Variants in NEK6 observed in about 807,000 individuals in gnomAD.
NEK6 encodes the protein serine/threonine-protein kinase Nek6.
Under a neutral mutation model 43.5 loss-of-function variants are expected in NEK6, and 27 were observed. The observed-to-expected ratio is 0.62, with a 90% CI of 0.46 to 0.86. NEK6 has a LOEUF of 0.86. NEK6 is among the 40% of genes least tolerant of loss of function. The probability of loss-of-function intolerance (pLI) is 0.00; values close to 1 mark genes in which losing one functional copy is unlikely to be tolerated. For missense variants in NEK6, 318 were observed against 414.4 expected, an observed-to-expected ratio of 0.77 and a Z score of 2.02; for synonymous variants, 167 against 164.1, an observed-to-expected ratio of 1.02 and a Z score of -0.14.
At chr9:124,266,089 G>T (rs534069279) in intron 1 of NEK6, among the ~76,000 whole-genome samples, 82 of 152,356 alleles carry the variant, frequency 5.4e-4, no homozygotes, top group African/African-American at 1.9e-3. Context: ...GTTTGCCAGA[G>T]GGCTGAGAGG....
At chr9:124,338,907 T>C (rs1564658814) in intron 7 of NEK6, among the ~76,000 whole-genome samples, 1 of 150,044 alleles carries the variant, frequency 6.7e-6, no homozygotes, top group Non-Finnish European at 1.5e-5. Context: ...ATTCAGACAG[T>C]CCCCTTAAAG....
chr9:124,345,578 G>A (rs567694710), intron 8 of NEK6, among the ~76,000 whole-genome samples: 45 of 152,306 alleles, frequency 3.0e-4, no homozygotes, highest in Non-Finnish European at 6.0e-4. Context: ...TCCCAGCAGC[G>A]AGGTTTATAA....
intron 7 of NEK6, among the ~76,000 whole-genome samples, chr9:124,333,008 A>C (rs1030557248): frequency 6.6e-6 from 1 of 152,038 alleles, no homozygotes; most frequent in Admixed American, 6.5e-5. Context: ...ATGGGCCGGG[A>C]TAAGGCCCGG....
chr9:124,337,969 G>GT (rs1363920387), intron 7 of NEK6, among the ~76,000 whole-genome samples: 1 of 151,986 alleles, frequency 6.6e-6, no homozygotes, highest in East Asian at 1.9e-4. Flanking sequence ...ACCTCATTGT[G>GT]TTTTTTTGGT....
rs975275426 is a variant in NEK6 at position 124,324,546 on chromosome 9, C to T, written c.406-1784C>T. On this transcript the variant is annotated intron_variant, in intron 5 of 9. Coordinates refer to ENST00000320246, the MANE Select transcript of NEK6 (RefSeq NM_014397.6). The surrounding 1 kb of genome is among the most constrained non-coding windows in gnomAD (Gnocchi z 5.3). ...ATGACATTTAGAAAATCACCACTCT[C>T]GGCCACGCGCGTCCCTGCTTAAATG... Among the ~76,000 whole-genome samples the T allele has an allele frequency of 6.6e-6, 1 of 152,168 alleles. No individual in the cohort carries two copies. Among genetic ancestry groups the T allele is most frequent in the South Asian group, 2.1e-4 (1 of 4,826 alleles).
rs116028339 is a variant in NEK6 at position 124,261,369 on chromosome 9, C to T, written c.-30+3284C>T. 107 of 980,154 alleles carry T rather than the reference C, an allele frequency of 1.1e-4. No individual in the cohort carries two copies. In the African/African-American group the frequency reaches 1.6e-3, roughly 15 times the overall value. The allele number at this position is 980,154 out of a possible 1,614,324, so 60.7% of individuals were successfully genotyped here. ...AAAAGGAGAAGAATATTTCCTTCCTCTTCTCAGGCTAGACCAAGCAAGGGA... is the reference window on the plus strand; with the variant it reads ...AAAAGGAGAAGAATATTTCCTTCCTTTTCTCAGGCTAGACCAAGCAAGGGA... On this transcript the variant is annotated intron_variant, in intron 1 of 9. Coordinates refer to ENST00000320246, the MANE Select transcript of NEK6 (RefSeq NM_014397.6).
chr9:124,271,192 G>A (rs1172876732), intron 1 of NEK6, among the ~76,000 whole-genome samples: 1 of 152,270 alleles, frequency 6.6e-6, no homozygotes, highest in Non-Finnish European at 1.5e-5. Flanking sequence ...CATTGCCAGA[G>A]ATTGTTGCAG....
Position 124,275,497 on chromosome 9 carries a change from T to C in NEK6, c.-30+17412T>C, listed in dbSNP as rs2118947787. On this transcript the variant is annotated intron_variant, in intron 1 of 9. Coordinates refer to ENST00000320246, the MANE Select transcript of NEK6 (RefSeq NM_014397.6). The surrounding 1 kb of genome is among the most constrained non-coding windows in gnomAD (Gnocchi z 4.4). ...GGCCCTGTCCTCTGCCAGGCGGAGC[T>C]CCTGGTTCTCTGGGTCTGTAATGCT... Among the ~76,000 whole-genome samples, 1 of 152,334 alleles carries C rather than the reference T, an allele frequency of 6.6e-6. No homozygotes were observed. The highest frequency in any genetic ancestry group is 1.5e-5 in the Non-Finnish European group (1 of 68,032).
chr9:124,301,811 G>A (rs1399164852), intron 1 of NEK6, 125 bp from the exon 2 acceptor site: 13 of 762,238 alleles, frequency 1.7e-5, no homozygotes, highest in Middle Eastern at 3.1e-4. Flanking sequence ...CTGGGTGACC[G>A]TGGGCAAATT....
chr9:124,279,819 A>G (rs762386070), intron 1 of NEK6, among the ~76,000 whole-genome samples: 3 of 152,154 alleles, frequency 2.0e-5, no homozygotes, highest in Non-Finnish European at 4.4e-5. Context: ...TGAAATGACC[A>G]TGTCTGTTCA....
At chr9:124,261,368 T>C in intron 1 of NEK6, 1 of 980,254 alleles carries the variant, frequency 1.0e-6, no homozygotes, top group Non-Finnish European at 1.2e-6. Context: ...ATTTCCTTCC[T>C]CTTCTCAGGC....
intron 7 of NEK6, among the ~76,000 whole-genome samples, chr9:124,337,019 G>A (rs937295816): frequency 7.9e-5 from 12 of 151,962 alleles, no homozygotes; most frequent in African/African-American, 1.2e-4. Context: ...AAAGAATTCC[G>A]GGCCTATGCC....
intron 3 of NEK6, 101 bp from the exon 4 acceptor site, chr9:124,313,822 G>T: frequency 8.7e-7 from 1 of 1,150,502 alleles, no homozygotes; most frequent in African/African-American, 1.5e-5. Context: ...CCTTGGTGAG[G>T]AGGTGGGAGA....
At chr9:124,277,417 A>G (rs1464151120) in intron 1 of NEK6, among the ~76,000 whole-genome samples, 2 of 152,202 alleles carry the variant, frequency 1.3e-5, no homozygotes, top group Non-Finnish European at 2.9e-5. Flanking sequence ...TTGCACTCCA[A>G]CCTGGGCAAG....
intron 1 of NEK6, among the ~76,000 whole-genome samples, chr9:124,297,927 G>A (rs1446132670): frequency 6.6e-6 from 1 of 152,202 alleles, no homozygotes; most frequent in African/African-American, 2.4e-5. Context: ...AGAGCACAGG[G>A]CTTGGGTTTC....
At chr9:124,296,677 C>A (rs553563640) in intron 1 of NEK6, among the ~76,000 whole-genome samples, 1 of 152,206 alleles carries the variant, frequency 6.6e-6, no homozygotes, top group Non-Finnish European at 1.5e-5. Context: ...TGGACCCTTG[C>A]AAGCTCATGC....
Position 124,326,240 on chromosome 9 carries a change from T to A in NEK6, c.406-90T>A. 55 of 230,330 alleles carry A rather than the reference T, an allele frequency of 2.4e-4. No homozygotes were observed. The highest frequency in any genetic ancestry group is 9.8e-4 in the East Asian group (13 of 13,202). The allele number at this position is 230,330 out of a possible 1,614,324, so 14.3% of individuals were successfully genotyped here. ...CCCCTGCCAGGCACCAGTTACCCACTGGGGAAAGGACAGAGGCAGTGCCCT... is the reference window on the plus strand; with the variant it reads ...CCCCTGCCAGGCACCAGTTACCCACAGGGGAAAGGACAGAGGCAGTGCCCT... On this transcript the variant is annotated intron_variant, in intron 5 of 9. Transcript: ENST00000320246. The surrounding 1 kb of genome is among the most constrained non-coding windows in gnomAD (Gnocchi z 4.5).
Position 124,289,496 on chromosome 9 carries a change from T to A in NEK6, c.-29-12440T>A, listed in dbSNP as rs1256417816. 3.9e-5 allele frequency among the ~76,000 whole-genome samples: 6 copies of A among 152,160 alleles called. No homozygotes were observed. In the East Asian group the frequency reaches 7.8e-4, roughly 20 times the overall value. ...GGTGCCCTGGATGCATGCCTCCATA[T>A]ACACACCTCCATGGCTGTGTGTTGG... On this transcript the variant is annotated intron_variant, in intron 1 of 9. Coordinates refer to ENST00000320246, the MANE Select transcript of NEK6 (RefSeq NM_014397.6).
intron 7 of NEK6, among the ~76,000 whole-genome samples, chr9:124,333,152 C>A (rs1246243228): frequency 6.6e-6 from 1 of 152,234 alleles, no homozygotes; most frequent in African/African-American, 2.4e-5. Context: ...TCCAGTGGCC[C>A]GCTGCAAGCT....
Sources: allele counts gnomAD v4.1 joint callset (sites outside exome capture counted in the v4.1 genomes callset), GRCh38; gene constraint gnomAD v4.1.1; non-coding constraint Gnocchi (gnomAD v3.1); transcripts MANE v1.5; gene names NCBI Gene and HGNC (gene_info 2026-07-23, HGNC 2026-07-21).